The following CNTN6 variants were observed in gnomAD, a reference collection of about 807,000 sequenced individuals.
The protein encoded by CNTN6 is contactin-6.
A neutral mutation model predicts 122.8 loss-of-function variants in CNTN6; 137 were observed. That is an observed-to-expected ratio of 1.12 (90% CI 0.97 to 1.29). CNTN6 has a LOEUF of 1.29. CNTN6 is among the 50% of genes most tolerant of loss of function. The pLI is 0.00. For synonymous variants in CNTN6, 570 were observed against 426.0 expected, an observed-to-expected ratio of 1.34 and a Z score of -4.16; for missense variants, 1,634 against 1,223.4, an observed-to-expected ratio of 1.34 and a Z score of -5.01.
At chr3:1,233,252 G>A (rs1410638071) in intron 4 of CNTN6, among the ~76,000 whole-genome samples, 1 of 152,138 alleles carries the variant, frequency 6.6e-6, no homozygotes, top group Non-Finnish European at 1.5e-5. Flanking sequence ...GGGTTACTAT[G>A]AGGACCAAAT....
At chr3:1,233,532 G>A (rs1351859784) in intron 4 of CNTN6, among the ~76,000 whole-genome samples, 1 of 151,906 alleles carries the variant, frequency 6.6e-6, no homozygotes, top group African/African-American at 2.4e-5. Context: ...TCAGGAGTTT[G>A]AGACCAGCCT....
chr3:1,214,432 C>T (rs574489311), intron 2 of CNTN6, among the ~76,000 whole-genome samples: 4 of 150,754 alleles, frequency 2.7e-5, no homozygotes, highest in Admixed American at 1.3e-4. Context: ...CCTCAGCCTC[C>T]CTAGTAGCTG....
At chr3:1,164,260 G>A (rs999820039) in intron 2 of CNTN6, among the ~76,000 whole-genome samples, 4 of 152,178 alleles carry the variant, frequency 2.6e-5, no homozygotes, top group Non-Finnish European at 4.4e-5. Context: ...GTTCACAAAC[G>A]CTTCCCCTTC....
intron 1 of CNTN6, among the ~76,000 whole-genome samples, chr3:1,125,515 C>T (rs2092128580): frequency 6.6e-6 from 1 of 151,734 alleles, no homozygotes; most frequent in Non-Finnish European, 1.5e-5. Flanking sequence ...AGTCAAATGC[C>T]AGAGGCAATG....
intron 2 of CNTN6, among the ~76,000 whole-genome samples, chr3:1,163,819 G>C (rs1176854690): frequency 1.3e-5 from 2 of 152,200 alleles, no homozygotes; most frequent in Non-Finnish European, 2.9e-5. Context: ...GAGACAACCT[G>C]AAACACATGA....
At chr3:1,293,083 T>C (rs262806) in intron 5 of CNTN6, among the ~76,000 whole-genome samples, 2 of 151,998 alleles carry the variant, frequency 1.3e-5, no homozygotes, top group African/African-American at 4.8e-5. Flanking sequence ...ATCTTTACTT[T>C]ATTTCTTCTC....
At chr3:1,305,781 T>C (rs1029849193) in intron 7 of CNTN6, among the ~76,000 whole-genome samples, 3 of 152,314 alleles carry the variant, frequency 2.0e-5, no homozygotes, top group Admixed American at 2.0e-4. Flanking sequence ...CACAGAGGAC[T>C]ATATTTATGT....
intron 7 of CNTN6, among the ~76,000 whole-genome samples, chr3:1,313,981 C>A (rs1481465476): frequency 6.6e-6 from 1 of 152,054 alleles, no homozygotes; most frequent in Non-Finnish European, 1.5e-5. Flanking sequence ...CATAGTCCCA[C>A]CTCCTAATAC....
At chr3:1,102,931 C>A (rs966285342) in intron 1 of CNTN6, among the ~76,000 whole-genome samples, 3 of 150,644 alleles carry the variant, frequency 2.0e-5, no homozygotes, top group East Asian at 2.0e-4. Flanking sequence ...CACGGTGAAA[C>A]CCCGTCTCTA....
intron 2 of CNTN6, among the ~76,000 whole-genome samples, chr3:1,214,322 T>G (rs1219769610): frequency 1.4e-5 from 2 of 144,234 alleles, no homozygotes; most frequent in Admixed American, 1.4e-4. Flanking sequence ...TTTTTTTTTT[T>G]TTTGAGACGG....
At chr3:1,230,223 G>A (rs1263765064) in intron 4 of CNTN6, among the ~76,000 whole-genome samples, 1 of 152,176 alleles carries the variant, frequency 6.6e-6, no homozygotes, top group Non-Finnish European at 1.5e-5. Context: ...AAACAGAGAG[G>A]TGTGAGTTCA....
intron 1 of CNTN6, among the ~76,000 whole-genome samples, chr3:1,118,446 G>A (rs1322697362): frequency 6.6e-6 from 1 of 152,092 alleles, no homozygotes; most frequent in Non-Finnish European, 1.5e-5. Context: ...AGAAAATAAT[G>A]CTGTCTAGGT....
Position 1,383,377 on chromosome 3 carries a change from A to C in CNTN6, c.2486A>C (p.Asn829Thr), listed in dbSNP as rs1475767709. The change falls in exon 19 of 23, where the codon AAT (asparagine) becomes ACT (threonine). Residue 829 changes from asparagine (N) to threonine (T), a missense_variant. Coordinates refer to ENST00000446702, the MANE Select transcript of CNTN6 (RefSeq NM_001289080.2). ...MEVSWNAIAWNRNTGRVLGYE... is the reference protein window; with the variant it reads ...MEVSWNAIAWTRNTGRVLGYE... ...GTTTCATGGAATGCTATTGCCTGGA[A>C]TAGAAACACTGGAAGAGTGCTGGGC... is the stretch of plus-strand genomic sequence containing the variant. The C allele has an allele frequency of 1.2e-6, 2 of 1,613,952 alleles. No homozygotes were observed. Among genetic ancestry groups the C allele is most frequent in the East Asian group, 4.5e-5 (2 of 44,870 alleles).
At chr3:1,355,886 T>A (rs1706470951) in intron 12 of CNTN6, among the ~76,000 whole-genome samples, 1 of 151,804 alleles carries the variant, frequency 6.6e-6, no homozygotes, top group South Asian at 2.1e-4. Flanking sequence ...TTATCTCTGT[T>A]AAGAGGATTC....
At chr3:1,351,546 T>C (rs1324133004) in intron 11 of CNTN6, among the ~76,000 whole-genome samples, 1 of 105,632 alleles carries the variant, frequency 9.5e-6, no homozygotes, top group African/African-American at 3.7e-5. Flanking sequence ...AGGGAACAAA[T>C]CTCAGGGTTT....
chr3:1,311,982 T>C (rs903670479), intron 7 of CNTN6, among the ~76,000 whole-genome samples: 3 of 152,064 alleles, frequency 2.0e-5, no homozygotes, highest in Non-Finnish European at 2.9e-5. Context: ...ATGAATATTC[T>C]TGTGGCTGTA....
At chr3:1,210,246 AT>A (rs982268403) in intron 2 of CNTN6, among the ~76,000 whole-genome samples, 1 of 151,438 alleles carries the variant, frequency 6.6e-6, no homozygotes, top group Non-Finnish European at 1.5e-5. Context: ...TTTCTGTTTT[AT>A]TTTTTTTCTG....
intron 1 of CNTN6, among the ~76,000 whole-genome samples, chr3:1,119,325 G>GTGTGTGTGTGTGTGTGTGTGTGTA (rs2091860059): frequency 1.3e-5 from 2 of 149,606 alleles, no homozygotes; most frequent in South Asian, 4.2e-4. Flanking sequence ...GAAAAATCGT[G>GTGTGTGTGTGTGTGTGTGTGTGTA]TGTGTGTGTG....
At chr3:1,388,069 G>A (rs1385967448) in intron 20 of CNTN6, among the ~76,000 whole-genome samples, 1 of 151,938 alleles carries the variant, frequency 6.6e-6, no homozygotes, top group East Asian at 1.9e-4. Context: ...CACAGCTCAA[G>A]GAGGCCTGCC....
Sources: gnomAD v4.1 joint callset for allele counts (sites outside exome capture counted in the v4.1 genomes callset) on GRCh38, gnomAD v4.1.1 for gene constraint, MANE v1.5 for transcripts, NCBI Gene and HGNC (gene_info 2026-07-23, HGNC 2026-07-21) for gene names.